The following DLG2 variants were observed in gnomAD, a reference collection of about 807,000 sequenced individuals.
DLG2 encodes disks large homolog 2.
In DLG2, 45 loss-of-function variants were observed where a neutral mutation model predicts 132.5. The ratio of observed to expected loss-of-function variants is 0.34; its 90% CI spans 0.27 to 0.44. DLG2 has a LOEUF of 0.44. Among genes scored for constraint, DLG2 ranks in the 20% least tolerant of loss-of-function variants. The pLI is 1.00. For missense variants in DLG2, 1,045 were observed against 1,196.9 expected, an observed-to-expected ratio of 0.87 and a Z score of 1.87; for synonymous variants, 424 against 419.6, an observed-to-expected ratio of 1.01 and a Z score of -0.13.
At chr11:85,150,319 C>A (rs934064877) in intron 5 of DLG2, among the ~76,000 whole-genome samples, 2 of 151,958 alleles carry the variant, frequency 1.3e-5, no homozygotes, top group Non-Finnish European at 2.9e-5. Flanking sequence ...CGTGCCCGGC[C>A]TCCGTTTTTA....
At chr11:83,893,423 C>G (rs972041909) in intron 15 of DLG2, among the ~76,000 whole-genome samples, 2 of 152,190 alleles carry the variant, frequency 1.3e-5, no homozygotes, top group African/African-American at 4.8e-5. Context: ...CCTAGCCATG[C>G]TGGCCTTCTT....
intron 3 of DLG2, among the ~76,000 whole-genome samples, chr11:85,493,972 G>C (rs562114606): frequency 1.3e-5 from 2 of 152,304 alleles, no homozygotes; most frequent in East Asian, 3.9e-4. Flanking sequence ...ATATTTCCAA[G>C]ATAGTCCCTT....
intron 3 of DLG2, among the ~76,000 whole-genome samples, chr11:85,475,497 A>G (rs2093114063): frequency 1.3e-5 from 2 of 152,180 alleles, no homozygotes; most frequent in South Asian, 4.1e-4. Context: ...TTTTAATTAT[A>G]CCACATAAAA....
At chr11:84,803,273 G>T (rs1460346053) in intron 6 of DLG2, among the ~76,000 whole-genome samples, 1 of 152,164 alleles carries the variant, frequency 6.6e-6, no homozygotes, top group African/African-American at 2.4e-5. Context: ...GAAGTTGAAT[G>T]TATATTCTCT....
Position 85,358,887 on chromosome 11 carries a change from A to C in DLG2, c.41-73522T>G, listed in dbSNP as rs148957195. Reference sequence around the variant, plus strand: ...CTTCCTCAGTTTAAAACAAAATGGCATCTATTTCCTCACAGCTAATTACTT... The same window carrying C: ...CTTCCTCAGTTTAAAACAAAATGGCCTCTATTTCCTCACAGCTAATTACTT... On this transcript the variant is annotated intron_variant, in intron 3 of 27. Coordinates refer to ENST00000376104, the MANE Select transcript of DLG2 (RefSeq NM_001142699.3). Among the ~76,000 whole-genome samples the C allele has an allele frequency of 3.0e-3, 452 of 152,318 alleles. 1 individual carries two copies. The highest frequency in any genetic ancestry group is 0.011 in the African/African-American group (438 of 41,572).
At chr11:84,697,252 T>C (rs1169207145) in intron 6 of DLG2, among the ~76,000 whole-genome samples, 1 of 151,472 alleles carries the variant, frequency 6.6e-6, no homozygotes, top group Non-Finnish European at 1.5e-5. Flanking sequence ...TGACTATAGC[T>C]AGATTCTCTG....
At chr11:83,533,642 A>G (rs1020031311) in intron 20 of DLG2, among the ~76,000 whole-genome samples, 3 of 152,186 alleles carry the variant, frequency 2.0e-5, no homozygotes, top group Admixed American at 2.0e-4. Context: ...GATTTTTCAC[A>G]GAAGGAACAA....
chr11:83,712,676 T>A (rs2085728531), intron 18 of DLG2, among the ~76,000 whole-genome samples: 1 of 151,898 alleles, frequency 6.6e-6, no homozygotes, highest in African/African-American at 2.4e-5. Context: ...ATGGATGGAG[T>A]TGGATGCCAT....
chr11:84,159,268 C>T (rs530560748), intron 9 of DLG2, among the ~76,000 whole-genome samples: 41 of 151,966 alleles, frequency 2.7e-4, no homozygotes, highest in Non-Finnish European at 5.3e-4. Context: ...ACAAAATAAA[C>T]TATAAATAAA....
At chr11:84,885,253 T>A (rs11234226) in intron 6 of DLG2, among the ~76,000 whole-genome samples, 64,595 of 151,948 alleles carry the variant, frequency 0.43, 14,180 homozygotes, top group Middle Eastern at 0.45. Flanking sequence ...AATGTTTTGG[T>A]AACAATTTAA....
chr11:84,838,434 A>G (rs1420287767), intron 6 of DLG2, among the ~76,000 whole-genome samples: 3 of 151,588 alleles, frequency 2.0e-5, no homozygotes, highest in Admixed American at 6.6e-5. Context: ...TGTTGCATCT[A>G]TCAAATAGAC....
chr11:83,724,775 C>T (rs959060421), intron 18 of DLG2: 32 of 689,650 alleles, frequency 4.6e-5, no homozygotes, highest in African/African-American at 1.9e-4. Context: ...ATCTGCTGCC[C>T]TCTTTTCATT....
chr11:84,442,515 CTG>C (rs2154478111), intron 7 of DLG2, among the ~76,000 whole-genome samples: 2 of 152,102 alleles, frequency 1.3e-5, no homozygotes, highest in African/African-American at 4.8e-5. Flanking sequence ...ACATCACACA[CTG>C]AGGCCTGTCA....
At chr11:83,722,881 C>A (rs568740893) in intron 18 of DLG2, among the ~76,000 whole-genome samples, 1 of 152,240 alleles carries the variant, frequency 6.6e-6, no homozygotes, top group South Asian at 2.1e-4. Flanking sequence ...ACGCATCTGG[C>A]TTTATGAGCT....
At chr11:84,635,620 A>G (rs1228444834) in intron 6 of DLG2, among the ~76,000 whole-genome samples, 1 of 152,130 alleles carries the variant, frequency 6.6e-6, no homozygotes, top group Non-Finnish European at 1.5e-5. Context: ...TAGGACCTTA[A>G]CTATGAAGAT....
intron 4 of DLG2, among the ~76,000 whole-genome samples, chr11:85,280,328 A>C (rs1018056914): frequency 6.6e-6 from 1 of 152,020 alleles, no homozygotes; most frequent in Non-Finnish European, 1.5e-5. Context: ...TAACCTTATG[A>C]GGTAGACACT....
chr11:83,899,903 A>G (rs943025940), intron 15 of DLG2, among the ~76,000 whole-genome samples: 1 of 152,184 alleles, frequency 6.6e-6, no homozygotes, highest in Non-Finnish European at 1.5e-5. Flanking sequence ...AAGATAGGGA[A>G]ATGTGGGAAA....
At chr11:83,973,111 T>C (rs2091633022) in intron 12 of DLG2, among the ~76,000 whole-genome samples, 2 of 152,144 alleles carry the variant, frequency 1.3e-5, no homozygotes, top group African/African-American at 4.8e-5. Context: ...TTTCTATTAA[T>C]ATTAATCACA....
intron 7 of DLG2, among the ~76,000 whole-genome samples, chr11:84,280,878 T>TTA (rs1567167548): frequency 1.4e-5 from 2 of 141,042 alleles, no homozygotes; most frequent in Non-Finnish European, 3.1e-5. Flanking sequence ...TTTTTTTTTT[T>TTA]TTTTTTTTTT....
Sources: allele counts gnomAD v4.1 joint callset (sites outside exome capture counted in the v4.1 genomes callset), GRCh38; gene constraint gnomAD v4.1.1; transcripts MANE v1.5; gene names NCBI Gene and HGNC (gene_info 2026-07-23, HGNC 2026-07-21).